The following ZBTB7C variants were observed in gnomAD, a reference collection of about 807,000 sequenced individuals.
ZBTB7C encodes zinc finger and BTB domain containing 7C, also known as zinc finger and BTB domain-containing protein 7C.
Under a neutral mutation model 25.7 loss-of-function variants are expected in ZBTB7C, and 8 were observed. The ratio of observed to expected loss-of-function variants is 0.31; its 90% CI spans 0.18 to 0.56. ZBTB7C has a LOEUF of 0.56. ZBTB7C is among the 20% of genes least tolerant of loss of function. ZBTB7C has a pLI of 0.91. For synonymous variants in ZBTB7C, 394 were observed against 369.0 expected (o/e 1.07, Z -0.78); for missense variants, 824 against 855.2 (o/e 0.96, Z 0.46).
intron 3 of ZBTB7C, among the ~76,000 whole-genome samples, chr18:48,147,132 C>T (rs1249344027): frequency 1.3e-5 from 2 of 152,164 alleles, no homozygotes. Context: ...GGCTGGAGTG[C>T]AGTGATGCCA....
intron 1 of ZBTB7C, among the ~76,000 whole-genome samples, chr18:48,358,219 G>T (rs2047021500): frequency 6.6e-6 from 1 of 152,182 alleles, no homozygotes; most frequent in Non-Finnish European, 1.5e-5. Flanking sequence ...AGACATGGTG[G>T]CGGGCACCTG....
intron 4 of ZBTB7C, among the ~76,000 whole-genome samples, chr18:48,034,005 GTC>G (rs1300414188): frequency 2.0e-5 from 3 of 152,164 alleles, no homozygotes; most frequent in African/African-American, 7.2e-5. Flanking sequence ...TCCTTCTGGA[GTC>G]TGTTTGGCTG....
At chr18:48,057,761 A>G (rs1035841081) in intron 3 of ZBTB7C, among the ~76,000 whole-genome samples, 3 of 152,198 alleles carry the variant, frequency 2.0e-5, no homozygotes, top group African/African-American at 4.8e-5. Flanking sequence ...TCAGCTACCC[A>G]TCTCAGTTTT....
intron 2 of ZBTB7C, among the ~76,000 whole-genome samples, chr18:48,301,401 C>T (rs1041116734): frequency 6.6e-6 from 1 of 152,182 alleles, no homozygotes; most frequent in Admixed American, 6.5e-5. Context: ...ACTGCTTGAA[C>T]CCAGGAGGCA....
chr18:48,342,487 C>T (rs1352136798), intron 1 of ZBTB7C, among the ~76,000 whole-genome samples: 4 of 152,150 alleles, frequency 2.6e-5, no homozygotes, highest in Admixed American at 6.5e-5. Context: ...CCAGAAACAT[C>T]GCCCGAACCC....
chr18:48,332,317 T>C (rs986706713), intron 2 of ZBTB7C, among the ~76,000 whole-genome samples: 1 of 152,164 alleles, frequency 6.6e-6, no homozygotes, highest in Non-Finnish European at 1.5e-5. Context: ...CAGGTAGAAA[T>C]TGGTAGTTAG....
At chr18:48,396,897 A>G (rs1173546555) in intron 1 of ZBTB7C, among the ~76,000 whole-genome samples, 1 of 152,220 alleles carries the variant, frequency 6.6e-6, no homozygotes, top group Non-Finnish European at 1.5e-5. Flanking sequence ...ATTATAAAGC[A>G]TAGGTGGACG....
intron 2 of ZBTB7C, among the ~76,000 whole-genome samples, chr18:48,205,283 G>C (rs932791745): frequency 1.3e-5 from 2 of 152,052 alleles, no homozygotes; most frequent in East Asian, 1.9e-4. Flanking sequence ...ATTTTCTATA[G>C]ACTAGTGACA....
At chr18:48,407,420 C>T (rs1285756825) in intron 1 of ZBTB7C, among the ~76,000 whole-genome samples, 1 of 152,090 alleles carries the variant, frequency 6.6e-6, no homozygotes, top group African/African-American at 2.4e-5. Flanking sequence ...TTTTTTAAGC[C>T]AAGGGCACGG....
intron 2 of ZBTB7C, among the ~76,000 whole-genome samples, chr18:48,287,010 A>AACAT (rs1051141994): frequency 5.3e-5 from 8 of 151,406 alleles, no homozygotes; most frequent in African/African-American, 1.9e-4. Context: ...CAAACAAACA[A>AACAT]ACAAACAAAA....
At chr18:48,408,032 C>T (rs1344967998) in intron 1 of ZBTB7C, among the ~76,000 whole-genome samples, 1 of 152,196 alleles carries the variant, frequency 6.6e-6, no homozygotes, top group African/African-American at 2.4e-5. Flanking sequence ...TTTAAGGGGT[C>T]TTCCCTTCCC....
At chr18:48,129,574 T>C (rs904147162) in intron 3 of ZBTB7C, among the ~76,000 whole-genome samples, 1 of 152,122 alleles carries the variant, frequency 6.6e-6, no homozygotes, top group African/African-American at 2.4e-5. Context: ...TTTTTCCTTC[T>C]ATTAAAAAAA....
chr18:48,341,853 G>C (rs73955796), intron 1 of ZBTB7C, among the ~76,000 whole-genome samples: 109 of 152,338 alleles, frequency 7.2e-4, no homozygotes, highest in African/African-American at 2.5e-3. Flanking sequence ...AGTGTGATCT[G>C]GAGATGTTGA....
At chr18:48,073,713 G>A (rs1033066239) in intron 3 of ZBTB7C, among the ~76,000 whole-genome samples, 16 of 151,426 alleles carry the variant, frequency 1.1e-4, no homozygotes, top group Non-Finnish European at 7.4e-5. Context: ...GTGGCTGGCC[G>A]GCTGGCCTCC....
chr18:48,362,499 T>TTC (rs1364040280), intron 1 of ZBTB7C, among the ~76,000 whole-genome samples: 2 of 152,152 alleles, frequency 1.3e-5, no homozygotes, highest in African/African-American at 4.8e-5. Context: ...GAAGGTGCCA[T>TTC]TCTCTGAACC....
intron 2 of ZBTB7C, among the ~76,000 whole-genome samples, chr18:48,288,564 G>A (rs1008937904): frequency 1.1e-4 from 16 of 152,150 alleles, no homozygotes; most frequent in Non-Finnish European, 2.1e-4. Flanking sequence ...GCTGAGGCAG[G>A]AGAATTGCTT....
intron 4 of ZBTB7C, among the ~76,000 whole-genome samples, chr18:48,035,720 A>C (rs376559313): frequency 1.1e-4 from 16 of 152,342 alleles, no homozygotes; most frequent in African/African-American, 3.1e-4. Flanking sequence ...TCTTCCTGAG[A>C]TCACATGCTC....
At chr18:48,084,327 TG>T (rs2038103279) in intron 3 of ZBTB7C, among the ~76,000 whole-genome samples, 1 of 152,184 alleles carries the variant, frequency 6.6e-6, no homozygotes, top group Non-Finnish European at 1.5e-5. Context: ...CTCCCCACGA[TG>T]GGGGCTTAGG....
chr18:48,339,600 C>T (rs375057005), intron 1 of ZBTB7C, among the ~76,000 whole-genome samples: 1 of 152,144 alleles, frequency 6.6e-6, no homozygotes, highest in African/African-American at 2.4e-5. Flanking sequence ...TTCTTTCCAG[C>T]AAGCTCCCTG....
Sources: allele counts gnomAD v4.1 joint callset (sites outside exome capture counted in the v4.1 genomes callset), GRCh38; gene constraint gnomAD v4.1.1; transcripts MANE v1.5; gene names NCBI Gene and HGNC (gene_info 2026-07-23, HGNC 2026-07-21).